The following BARX1 variants were observed in gnomAD, a reference collection of about 807,000 sequenced individuals.
The protein encoded by BARX1 is BARX homeobox 1.
BARX1 carries 10 observed loss-of-function variants against 19.6 expected under a neutral mutation model. The observed-to-expected ratio is 0.51, with a 90% CI of 0.31 to 0.86. BARX1 has a LOEUF of 0.86. Ranked by LOEUF, BARX1 falls within the 40% of genes least tolerant of loss-of-function variation. The pLI is 0.04. For missense variants in BARX1, 309 were observed against 360.4 expected (o/e 0.86, Z 1.15); for synonymous variants, 177 against 170.0 (o/e 1.04, Z -0.32).
intron 1 of BARX1, 148 bp from the exon 2 acceptor site, chr9:93,953,335 G>A: frequency 1.1e-6 from 1 of 911,980 alleles, no homozygotes; most frequent in Non-Finnish European, 1.6e-6. Context: ...GGCGCCGGTG[G>A]CGCAGATGGA....
At chr9:93,952,673 T>C (rs998122276) in intron 3 of BARX1, 56 bp downstream of exon 3, 100 of 1,547,072 alleles carry the variant, frequency 6.5e-5, no homozygotes, top group Non-Finnish European at 8.5e-5. Context: ...CAGCTCTGCA[T>C]GCACCGGGGC....
Position 93,951,962 on chromosome 9 carries a change from C to T in BARX1, c.*202G>A. 1 of 695,614 alleles carries T rather than the reference C, an allele frequency of 1.4e-6. No homozygotes were observed. The highest frequency in any genetic ancestry group is 2.9e-5 in the Admixed American group (1 of 34,024). The allele number at this position is 695,614 out of a possible 1,614,324, so 43.1% of individuals were successfully genotyped here. A position where few individuals can be genotyped will look rare whatever the true frequency, so the allele number is the denominator to read the frequency against. ...TGGATGCGAGTCTCCCAGGTTAGAG[C>T]CCAGAAGCGCGCTGGGACCTGGGTC... On this transcript the variant is annotated 3_prime_UTR_variant, in exon 4 of 4. Transcript: ENST00000253968.
Position 93,953,053 on chromosome 9 carries a change from C to G in BARX1, c.358G>C (p.Glu120Gln). The G allele has an allele frequency of 1.3e-6, 2 of 1,566,356 alleles. No individual in the cohort carries two copies. Among genetic ancestry groups the G allele is most frequent in the Non-Finnish European group, 8.6e-7 (1 of 1,156,364 alleles). The stretch of plus-strand genomic sequence containing the variant: ...TCCAGCTTCCCGCGGAGCTGCAACT[C>G]GAGCGGCAGGTGTGGCGCACCCGCG... ...GAAGAPHLPLELQLRGKLEAA... is the reference protein window; with the variant it reads ...GAAGAPHLPLQLQLRGKLEAA... Residue 120 changes from glutamate to glutamine, a missense_variant, in exon 2 of 4, where the codon GAG (glutamate) becomes CAG (glutamine). Transcript: ENST00000253968.
At position 93,951,918 on chromosome 9, in the gene BARX1, A is replaced by G. The variant is rs906606771; in HGVS notation, c.*246T>C. On this transcript the variant is annotated 3_prime_UTR_variant, in exon 4 of 4. Coordinates refer to ENST00000253968, the MANE Select transcript of BARX1 (RefSeq NM_021570.4). ...CTGCGCCACGGAGCTCAGGGTAGAG[A>G]CTGTAGCTTCCGCCGGGCTGGATGC... is the stretch of plus-strand genomic sequence containing the variant. 3.5e-6 allele frequency: 2 copies of G among 567,630 alleles called. No individual in the cohort carries two copies. The highest frequency in any genetic ancestry group is 3.8e-5 in the African/African-American group (2 of 53,122). The allele number at this position is 567,630 out of a possible 1,614,324, so 35.2% of individuals were successfully genotyped here.
chr9:93,952,053 A>G lies in BARX1; in HGVS notation c.*111T>C. The G allele has an allele frequency of 7.5e-7, 1 of 1,334,506 alleles. No homozygotes were observed. Among genetic ancestry groups the G allele is most frequent in the Non-Finnish European group, 1.0e-6 (1 of 995,010 alleles). 82.7% of individuals were successfully genotyped at this position (1,334,506 alleles called of 1,614,324 possible). On this transcript the variant is annotated 3_prime_UTR_variant, in exon 4 of 4. Transcript: ENST00000253968. ...GTCCGCATTCAAGATCATAATAAAA[A>G]GGCTTAGGAAGTAAACTTCTTGGAC... is the stretch of plus-strand genomic sequence containing the variant.
At chr9:93,953,859 G>A (rs1026279942) in intron 1 of BARX1, among the ~76,000 whole-genome samples, 2 of 152,230 alleles carry the variant, frequency 1.3e-5, no homozygotes, top group Non-Finnish European at 2.9e-5. Context: ...AAAGGTAGCC[G>A]AATGGCCGAG....
chr9:93,954,267 GA>G (rs2118186160), intron 1 of BARX1, among the ~76,000 whole-genome samples: 1 of 152,380 alleles, frequency 6.6e-6, no homozygotes, highest in Admixed American at 6.5e-5. Flanking sequence ...AGAAAGGGCA[GA>G]AGCTGAAAAG....
intron 3 of BARX1, 49 bp downstream of exon 3, chr9:93,952,680 G>A (rs1341659445): frequency 2.5e-6 from 4 of 1,570,450 alleles, no homozygotes; most frequent in South Asian, 1.1e-5. Context: ...GCATGCACCG[G>A]GGCATGGCCC....
At position 93,955,006 on chromosome 9, in the gene BARX1, T is replaced by G. The variant is rs1829145032; in HGVS notation, c.141A>C (p.Ala47=). ...GCTCGCCCGCCGCGGCAGCGGCGGC[T>G]GCGGGCGCGGCGCCCTTGGGCCCGG... is the stretch of plus-strand genomic sequence containing the variant. The part of the protein sequence containing the change: ...EPPGPKGAAP[A]AAAAAAGELL... Residue 47 remains alanine, a synonymous_variant, in exon 1 of 4, where the codon GCA becomes GCC. Transcript: ENST00000253968. This position sits in a 1 kb window ranked among gnomAD's most constrained non-coding sequence, Gnocchi z 4.4. The G allele has an allele frequency of 7.2e-7, 1 of 1,397,994 alleles. No individual in the cohort carries two copies. Among genetic ancestry groups the G allele is most frequent in the Non-Finnish European group, 9.3e-7 (1 of 1,076,488 alleles). The allele number at this position is 1,397,994 out of a possible 1,614,324, so 86.6% of individuals were successfully genotyped here.
chr9:93,952,267 G>A lies in BARX1; in HGVS notation c.662C>T (p.Ser221Leu). ...AGTAAGCTGCTCGCTCGTTGGAATT[G>A]AGTTCTTCTTGGGCCGCCCCTTGGG... ...TKPKGRPKKN[S>L]IPTSEQLTEQ... The change falls in exon 4 of 4, where the codon TCA becomes TTA. Residue 221 changes from serine to leucine, a missense_variant. Around this residue, in one of 3 missense-constraint regions of BARX1, gnomAD observed 71 missense variants for 80.4 expected, o/e 0.88. Transcript: ENST00000253968. 1.2e-6 allele frequency: 2 copies of A among 1,612,382 alleles called. No individual in the cohort carries two copies.
At chr9:93,954,673 G>A (rs566237320) in intron 1 of BARX1, among the ~76,000 whole-genome samples, 1 of 152,238 alleles carries the variant, frequency 6.6e-6, no homozygotes, top group Non-Finnish European at 1.5e-5. Context: ...AGGCCGAAGG[G>A]AAGCAGTGAA....
chr9:93,954,108 T>G (rs1318876037), intron 1 of BARX1, among the ~76,000 whole-genome samples: 1 of 151,058 alleles, frequency 6.6e-6, no homozygotes, highest in African/African-American at 2.4e-5. Context: ...AGGGAAAAGG[T>G]GGGAGATGGG....
intron 1 of BARX1, among the ~76,000 whole-genome samples, chr9:93,954,417 C>T (rs559897600): frequency 3.8e-4 from 58 of 152,252 alleles, no homozygotes; most frequent in Non-Finnish European, 7.3e-4. Context: ...AGGCCGCGTT[C>T]CTCGCCCGCT....
chr9:93,954,860 C>G lies in BARX1; in HGVS notation c.223+64G>C, dbSNP rs1010708699. ...GATGCCGGAGGAGGCTCGGGGCGCCCCCGCGGTTCAGCTCGCTGTCTCCCG... is the reference window on the plus strand; with the variant it reads ...GATGCCGGAGGAGGCTCGGGGCGCCGCCGCGGTTCAGCTCGCTGTCTCCCG... On this transcript the variant is annotated intron_variant, in intron 1 of 3. Coordinates refer to ENST00000253968, the MANE Select transcript of BARX1 (RefSeq NM_021570.4). 9.4e-6 allele frequency: 11 copies of G among 1,165,938 alleles called. No individual in the cohort carries two copies. In the South Asian group the frequency reaches 1.5e-4, roughly 15 times the overall value. 72.2% of individuals were successfully genotyped at this position (1,165,938 alleles called of 1,614,324 possible).
chr9:93,953,107 G>T lies in BARX1; in HGVS notation c.304C>A (p.Leu102Met). The change falls in exon 2 of 4, where the codon CTG becomes ATG. Residue 102 changes from leucine (L) to methionine (M), a missense_variant. By Grantham distance (15) the Leu-to-Met change is conservative. Transcript: ENST00000253968. ...LGCSGLSSAL[L>M]AAGPGLPGAA... The stretch of plus-strand genomic sequence containing the variant: ...CCGGGCAGCCCGGGCCCTGCCGCCA[G>T]CAACGCAGAGCTCAGCCCTGAACAG... The T allele has an allele frequency of 6.4e-7, 1 of 1,558,304 alleles. No homozygotes were observed.
At position 93,955,168 on chromosome 9, in the gene BARX1, C is replaced by G; in HGVS notation, c.-22G>C. 1 of 1,025,068 alleles carries G rather than the reference C, an allele frequency of 9.8e-7. No individual in the cohort carries two copies. The highest frequency in any genetic ancestry group is 1.2e-6 in the Non-Finnish European group (1 of 856,598). 63.5% of individuals were successfully genotyped at this position (1,025,068 alleles called of 1,614,324 possible). On this transcript the variant is annotated 5_prime_UTR_variant, in exon 1 of 4. Transcript: ENST00000253968. This position sits in a 1 kb window ranked among gnomAD's most constrained non-coding sequence, Gnocchi z 4.4. Reference sequence around the variant, plus strand: ...GCATCGCGGCGCCCACTGCTGCGCCCGCGGTTTGGCGGCGGCGGCGGCGAC... The same window carrying G: ...GCATCGCGGCGCCCACTGCTGCGCCGGCGGTTTGGCGGCGGCGGCGGCGAC...
At position 93,952,453 on chromosome 9, in the gene BARX1, C is replaced by T. The variant is rs1829113746; in HGVS notation, c.601-125G>A. The T allele has an allele frequency of 5.1e-6, 7 of 1,359,884 alleles. No individual in the cohort carries two copies. In the Admixed American group the frequency reaches 1.5e-4, roughly 28 times the overall value. 84.2% of individuals were successfully genotyped at this position (1,359,884 alleles called of 1,614,324 possible). On this transcript the variant is annotated intron_variant, in intron 3 of 3. Coordinates refer to ENST00000253968, the MANE Select transcript of BARX1 (RefSeq NM_021570.4). ...ATGAGGAAATGGTGGGGAAATGTCCCGGGAAATGGCGGCCATTTGTCCAAA... is the reference window on the plus strand; with the variant it reads ...ATGAGGAAATGGTGGGGAAATGTCCTGGGAAATGGCGGCCATTTGTCCAAA...
In BARX1 at chr9:93,952,711, G is replaced by A. The variant is rs1164669337; in HGVS notation, c.600+18C>T. On this transcript the variant is annotated intron_variant, in intron 3 of 3. Transcript: ENST00000253968. ...GGCCCAGGAAGCTGAGGGGTGGGAA[G>A]CCACCAGGCACACTCACTATTTTCT... 1.2e-6 allele frequency: 2 copies of A among 1,612,514 alleles called. No individual in the cohort carries two copies. The highest frequency in any genetic ancestry group is 8.5e-7 in the Non-Finnish European group (1 of 1,178,578).
rs374624014 is a variant in BARX1, at chr9:93,952,174, C to T, written c.755G>A (p.Arg252His). 7 of 1,607,412 alleles carry T rather than the reference C, an allele frequency of 4.4e-6. No individual in the cohort carries two copies. In the African/African-American group the frequency reaches 6.7e-5, roughly 15 times the overall value. ...CACCGTATACCGCCCTCAGTCCTCG[C>T]GGCTCCTGTCGCTGGGCTCGCCCGG... is the stretch of plus-strand genomic sequence containing the variant. ...EVPGEPSDRSRED is the reference protein window; with the variant it reads ...EVPGEPSDRSHED The change falls in exon 4 of 4, where the codon CGC (arginine) becomes CAC (histidine). Residue 252 changes from arginine (R) to histidine (H), a missense_variant. Physicochemically the swap from Arg to His is conservative, Grantham distance 29. Coordinates refer to ENST00000253968, the MANE Select transcript of BARX1 (RefSeq NM_021570.4).
Sources: allele counts gnomAD v4.1 joint callset (sites outside exome capture counted in the v4.1 genomes callset), GRCh38; gene constraint gnomAD v4.1.1; regional missense constraint gnomAD v4.1.1; non-coding constraint Gnocchi (gnomAD v3.1); transcripts MANE v1.5; gene names NCBI Gene and HGNC (gene_info 2026-07-23, HGNC 2026-07-21).